The following DOCK9 variants were observed in gnomAD, a reference collection of about 807,000 sequenced individuals.
DOCK9 encodes dedicator of cytokinesis protein 9.
A neutral mutation model predicts 263.3 loss-of-function variants in DOCK9; 89 were observed. That is an observed-to-expected ratio of 0.34 (90% CI 0.28 to 0.40). The LOEUF is 0.40. DOCK9 is among the 10% of genes least tolerant of loss of function. The probability of loss-of-function intolerance (pLI) is 1.00; values close to 1 mark genes in which losing one functional copy is unlikely to be tolerated. For missense variants in DOCK9, 2,140 were observed against 2,603.4 expected, an observed-to-expected ratio of 0.82 and a Z score of 3.87; for synonymous variants, 976 against 973.1, an observed-to-expected ratio of 1.00 and a Z score of -0.06.
intron 2 of DOCK9, among the ~76,000 whole-genome samples, chr13:98,954,600 G>GAGGT (rs1300025801): frequency 6.6e-6 from 1 of 152,180 alleles, no homozygotes; most frequent in Admixed American, 6.5e-5. Flanking sequence ...TTACACTACA[G>GAGGT]AGGTAAACTT....
chr13:99,028,679 T>C (rs562500450), intron 1 of DOCK9, among the ~76,000 whole-genome samples: 1 of 152,284 alleles, frequency 6.6e-6, no homozygotes, highest in South Asian at 2.1e-4. Flanking sequence ...GAACTTTAAT[T>C]AAATTTAAGG....
chr13:99,018,041 T>C (rs1017500807), intron 1 of DOCK9, among the ~76,000 whole-genome samples: 1 of 152,042 alleles, frequency 6.6e-6, no homozygotes, highest in Admixed American at 6.6e-5. Context: ...TAAATAAAAG[T>C]AAAAGCTAAA....
chr13:98,918,075 C>G (rs2051203861), intron 7 of DOCK9, among the ~76,000 whole-genome samples: 2 of 152,210 alleles, frequency 1.3e-5, no homozygotes, highest in African/African-American at 4.8e-5. Flanking sequence ...AGCCTCCCAC[C>G]ATCATTGCTA....
intron 7 of DOCK9, among the ~76,000 whole-genome samples, chr13:98,917,316 G>A (rs2051043791): frequency 6.6e-6 from 1 of 152,190 alleles, no homozygotes; most frequent in Non-Finnish European, 1.5e-5. Context: ...TTTAAAGTCA[G>A]TGCCAGAAAA....
chr13:98,809,586 C>T (rs1337807306), intron 46 of DOCK9, 121 bp from the exon 47 acceptor site: 1 of 781,908 alleles, frequency 1.3e-6, no homozygotes, highest in Non-Finnish European at 2.0e-6. Flanking sequence ...CACACACACA[C>T]ATTTTGGCTG....
chr13:98,841,573 A>T (rs557862589), intron 38 of DOCK9, among the ~76,000 whole-genome samples: 1 of 152,004 alleles, frequency 6.6e-6, no homozygotes, highest in Non-Finnish European at 1.5e-5. Context: ...TCAAGGAAAC[A>T]TATCTCAGAA....
chr13:98,873,177 C>T (rs1412067861), intron 27 of DOCK9, among the ~76,000 whole-genome samples: 2 of 152,224 alleles, frequency 1.3e-5, no homozygotes, highest in Non-Finnish European at 2.9e-5. Flanking sequence ...TTCCCATTTT[C>T]CCTTGTAGTC....
chr13:98,885,476 G>A (rs1341771105), intron 20 of DOCK9: 27 of 518,674 alleles, frequency 5.2e-5, no homozygotes, highest in South Asian at 1.5e-4. Context: ...GGTGTGGTGC[G>A]TGCCTGTAGT....
chr13:98,826,661 C>G (rs542641707), intron 44 of DOCK9, among the ~76,000 whole-genome samples, 169 bp downstream of exon 44: 1 of 152,186 alleles, frequency 6.6e-6, no homozygotes, highest in East Asian at 1.9e-4. Flanking sequence ...GCAATTTCTG[C>G]TGTGCCCACC....
chr13:98,939,968 A>G (rs932631666), intron 2 of DOCK9, among the ~76,000 whole-genome samples: 2 of 152,214 alleles, frequency 1.3e-5, no homozygotes, highest in African/African-American at 4.8e-5. Flanking sequence ...AATATTTTGT[A>G]TCGAGTGCAG....
chr13:98,805,883 C>T (rs548406957), intron 48 of DOCK9, among the ~76,000 whole-genome samples: 1 of 152,310 alleles, frequency 6.6e-6, no homozygotes, highest in South Asian at 2.1e-4. Flanking sequence ...GCCTCAGCCT[C>T]CCAAGTAGCT....
intron 7 of DOCK9, among the ~76,000 whole-genome samples, chr13:98,920,724 A>T (rs1311090407): frequency 6.6e-6 from 1 of 152,228 alleles, no homozygotes; most frequent in Non-Finnish European, 1.5e-5. Context: ...CGCAGCTATA[A>T]AGTGGCCGAG....
intron 2 of DOCK9, among the ~76,000 whole-genome samples, chr13:98,932,704 A>G (rs1341470412): frequency 2.6e-5 from 4 of 152,042 alleles, no homozygotes; most frequent in African/African-American, 9.7e-5. Flanking sequence ...CTTCACCTAT[A>G]TTTATTCTTT....
At chr13:98,975,822 A>G (rs1373252536) in intron 1 of DOCK9, among the ~76,000 whole-genome samples, 1 of 152,222 alleles carries the variant, frequency 6.6e-6, no homozygotes, top group Non-Finnish European at 1.5e-5. Flanking sequence ...TTCAAATGAT[A>G]GACAGTCTTG....
intron 2 of DOCK9, among the ~76,000 whole-genome samples, chr13:98,946,853 A>T (rs2056779249): frequency 6.6e-6 from 1 of 151,978 alleles, no homozygotes; most frequent in South Asian, 2.1e-4. Flanking sequence ...CCATGGAGAG[A>T]CTGTCTGCCC....
At chr13:98,992,106 C>G (rs1333764153) in intron 1 of DOCK9, among the ~76,000 whole-genome samples, 5 of 151,642 alleles carry the variant, frequency 3.3e-5, no homozygotes, top group Admixed American at 3.3e-4. Context: ...TTAGCCTACC[C>G]TGCCTAACCA....
In DOCK9 at chr13:98,829,602, C is replaced by G; in HGVS notation, c.4749+41G>C. 1.3e-6 allele frequency: 2 copies of G among 1,581,774 alleles called. No homozygotes were observed. Among genetic ancestry groups the G allele is most frequent in the Non-Finnish European group, 1.7e-6 (2 of 1,160,854 alleles). ...TCCACAAGCACCTCAGGTGCTGATGCAGAGTCTCAGGGTGAAACTAACATG... is the reference window on the plus strand; with the variant it reads ...TCCACAAGCACCTCAGGTGCTGATGGAGAGTCTCAGGGTGAAACTAACATG... On this transcript the variant is annotated intron_variant, in intron 42 of 52. Transcript: ENST00000682017. The surrounding 1 kb of genome is among the most constrained non-coding windows in gnomAD (Gnocchi z 4.1).
chr13:99,081,207 G>A (rs1363438849), intron 1 of DOCK9, among the ~76,000 whole-genome samples: 3 of 152,142 alleles, frequency 2.0e-5, no homozygotes, highest in Non-Finnish European at 2.9e-5. Flanking sequence ...AGCCAAAAAC[G>A]AGATTTTACC....
intron 1 of DOCK9, among the ~76,000 whole-genome samples, chr13:98,967,637 A>G (rs1380132674): frequency 6.6e-6 from 1 of 152,230 alleles, no homozygotes; most frequent in Non-Finnish European, 1.5e-5. Context: ...ACATTGCTCC[A>G]CACGAGGATG....
Sources: allele counts gnomAD v4.1 joint callset (sites outside exome capture counted in the v4.1 genomes callset), GRCh38; gene constraint gnomAD v4.1.1; non-coding constraint Gnocchi (gnomAD v3.1); transcripts MANE v1.5; gene names NCBI Gene and HGNC (gene_info 2026-07-23, HGNC 2026-07-21).